The following NDST4 variants were observed in gnomAD, a reference collection of about 807,000 sequenced individuals.
NDST4 encodes the protein N-deacetylase and N-sulfotransferase 4, also known as N-heparan sulfate sulfotransferase 4.
NDST4 carries 63 observed loss-of-function variants against 100.8 expected under a neutral mutation model. That is an observed-to-expected ratio of 0.62 (90% CI 0.51 to 0.77). NDST4 has a LOEUF of 0.77. Among genes scored for constraint, NDST4 ranks in the 30% least tolerant of loss-of-function variants. The pLI is 0.00. For missense variants in NDST4, 943 were observed against 1,018.4 expected (o/e 0.93, Z 1.01); for synonymous variants, 377 against 361.8 (o/e 1.04, Z -0.48).
In NDST4 at chr4:114,970,918, C is replaced by A. The variant is rs77759081; in HGVS notation, c.1067-334G>T. Among the ~76,000 whole-genome samples, 935 of 151,992 alleles carry A rather than the reference C, an allele frequency of 6.2e-3. 7 individuals are homozygous for A. Among genetic ancestry groups the A allele is most frequent in the African/African-American group, 0.02 (811 of 41,458 alleles). On this transcript the variant is annotated intron_variant, in intron 3 of 13. Transcript: ENST00000264363. ...TTACCCTTAAATGTTAAGGGTAATTCTCAAATAATTGGACATAAATTTTAA... is the reference window on the plus strand; with the variant it reads ...TTACCCTTAAATGTTAAGGGTAATTATCAAATAATTGGACATAAATTTTAA...
intron 6 of NDST4, among the ~76,000 whole-genome samples, chr4:114,876,142 C>G (rs575965910): frequency 3.6e-4 from 55 of 152,144 alleles, no homozygotes; most frequent in Admixed American, 2.5e-3. Flanking sequence ...AGAGAGCCAC[C>G]CTGTTTTAGG....
chr4:114,867,665 C>CAAAAAAAAAAAAAAAGA (rs1724061578), intron 7 of NDST4, among the ~76,000 whole-genome samples: 3 of 79,900 alleles, frequency 3.8e-5, no homozygotes, highest in African/African-American at 4.9e-5. Flanking sequence ...AAAAAAAAAG[C>CAAAAAAAAAAAAAAAGA]AAAAAAAAAA....
intron 2 of NDST4, among the ~76,000 whole-genome samples, chr4:115,075,267 T>C (rs1729154487): frequency 6.6e-6 from 1 of 152,226 alleles, no homozygotes; most frequent in Non-Finnish European, 1.5e-5. Flanking sequence ...ACATTTCATA[T>C]GAGCAAATAT....
chr4:114,907,944 C>T (rs1328797544), intron 6 of NDST4, among the ~76,000 whole-genome samples: 2 of 152,146 alleles, frequency 1.3e-5, no homozygotes, highest in African/African-American at 4.8e-5. Flanking sequence ...TGGAGCTATA[C>T]TGAGAAGTTT....
intron 1 of NDST4, among the ~76,000 whole-genome samples, chr4:115,099,230 G>A (rs913162393): frequency 2.0e-5 from 3 of 151,952 alleles, no homozygotes; most frequent in Non-Finnish European, 4.4e-5. Context: ...ACTCTTAGAA[G>A]ATCATATAGG....
Position 114,873,388 on chromosome 4 carries a change from C to A in NDST4, c.1537-2438G>T, listed in dbSNP as rs1383745000. On this transcript the variant is annotated intron_variant, in intron 6 of 13. Coordinates refer to ENST00000264363, the MANE Select transcript of NDST4 (RefSeq NM_022569.3). Reference sequence around the variant, plus strand: ...ATTTTAATTGAGATTCATATGGAATCTCAAGTAAAATTTAAATCATTTAAA... The same window carrying A: ...ATTTTAATTGAGATTCATATGGAATATCAAGTAAAATTTAAATCATTTAAA... Among the ~76,000 whole-genome samples, 7 of 151,532 alleles carry A rather than the reference C, an allele frequency of 4.6e-5. No individual in the cohort carries two copies. In the East Asian group the frequency reaches 1.4e-3, roughly 29 times the overall value.
intron 2 of NDST4, among the ~76,000 whole-genome samples, chr4:115,034,172 G>C (rs751848219): frequency 2.0e-5 from 3 of 152,002 alleles, no homozygotes; most frequent in Non-Finnish European, 4.4e-5. Context: ...CACATTTCCT[G>C]CTGGCTCAAA....
In NDST4 at chr4:114,978,704, C is replaced by CT. The variant is rs557915303; in HGVS notation, c.979-1431dup. Among the ~76,000 whole-genome samples, 86 of 150,152 alleles carry CT rather than the reference C, an allele frequency of 5.7e-4. No homozygotes were observed. In the Middle Eastern group the frequency reaches 0.017, roughly 30 times the overall value. On this transcript the variant is annotated intron_variant, in intron 2 of 13. Transcript: ENST00000264363. ...TCCCTTAGTGAGTTCCCTTTTCTGG[C>CT]TTTTTTTTTGGCTGTATTCCATGCA... is the stretch of plus-strand genomic sequence containing the variant.
At chr4:114,855,248 T>C (rs1378281684) in intron 7 of NDST4, among the ~76,000 whole-genome samples, 1 of 152,202 alleles carries the variant, frequency 6.6e-6, no homozygotes, top group African/African-American at 2.4e-5. Flanking sequence ...CTAAACTTTA[T>C]TGTTTCCTTT....
chr4:115,011,086 A>T (rs530407222), intron 2 of NDST4, among the ~76,000 whole-genome samples: 3 of 152,106 alleles, frequency 2.0e-5, no homozygotes, highest in South Asian at 2.1e-4. Context: ...ACAATACCGA[A>T]CAACTGACAA....
chr4:115,057,558 C>A (rs1026608638), intron 2 of NDST4, among the ~76,000 whole-genome samples: 3 of 152,108 alleles, frequency 2.0e-5, no homozygotes, highest in Admixed American at 1.3e-4. Context: ...GGTTATATTT[C>A]TGTATTATTT....
chr4:115,022,173 G>A lies in NDST4; in HGVS notation c.979-44899C>T, dbSNP rs557803442. ...CGTTCCATATATATACACGTTCCAC[G>A]TCTATGCACGTTCCATATATATACA... On this transcript the variant is annotated intron_variant, in intron 2 of 13. Coordinates refer to ENST00000264363, the MANE Select transcript of NDST4 (RefSeq NM_022569.3). Among the ~76,000 whole-genome samples, 55 of 147,616 alleles carry A rather than the reference G, an allele frequency of 3.7e-4. 2 individuals are homozygous for A. In the South Asian group the frequency reaches 8.5e-3, roughly 23 times the overall value.
chr4:114,988,888 A>G (rs1431416158), intron 2 of NDST4, among the ~76,000 whole-genome samples: 1 of 152,208 alleles, frequency 6.6e-6, no homozygotes, highest in African/African-American at 2.4e-5. Context: ...TGGTTATAGA[A>G]ACTAGAAGAA....
rs2126183313 is a variant in NDST4, at chr4:114,839,486, T to C, written c.2178A>G (p.Thr726=). ...TTAAGTCAGATGGAGCCCAATGTCC[T>C]GTTGAAATAACTTCATAGAAATTGA... ...LRFNFYEVIS[T]GHWAPSDLKT... Residue 726 remains threonine (T), a synonymous_variant, in exon 11 of 14, where the codon ACA becomes ACG. Coordinates refer to ENST00000264363, the MANE Select transcript of NDST4 (RefSeq NM_022569.3). The C allele has an allele frequency of 6.2e-7, 1 of 1,614,020 alleles. No homozygotes were observed. Among genetic ancestry groups the C allele is most frequent in the East Asian group, 2.2e-5 (1 of 44,854 alleles).
intron 1 of NDST4, among the ~76,000 whole-genome samples, chr4:115,108,572 C>T (rs1729878508): frequency 6.6e-6 from 1 of 151,308 alleles, no homozygotes. Flanking sequence ...TTATTATTAT[C>T]ATTTTATTTT....
At chr4:114,864,433 C>T (rs1723981212) in intron 7 of NDST4, among the ~76,000 whole-genome samples, 1 of 152,124 alleles carries the variant, frequency 6.6e-6, no homozygotes, top group Non-Finnish European at 1.5e-5. Context: ...TTGAGTCTTG[C>T]TCTGTGTATG....
chr4:115,060,296 G>A (rs1044386753), intron 2 of NDST4, among the ~76,000 whole-genome samples: 1 of 151,828 alleles, frequency 6.6e-6, no homozygotes, highest in Non-Finnish European at 1.5e-5. Context: ...GTCTCAATTT[G>A]GCAAAAGTTT....
chr4:114,954,354 T>C (rs1726088511), intron 4 of NDST4, among the ~76,000 whole-genome samples: 1 of 152,096 alleles, frequency 6.6e-6, no homozygotes, highest in South Asian at 2.1e-4. Context: ...GAGAAATTAT[T>C]AGTAATCCTA....
chr4:115,022,283 G>A (rs1290396613), intron 2 of NDST4, among the ~76,000 whole-genome samples: 2 of 151,558 alleles, frequency 1.3e-5, no homozygotes, highest in African/African-American at 2.4e-5. Flanking sequence ...GTCTATGCAC[G>A]TTCCACATAT....
Sources: gnomAD v4.1 joint callset for allele counts (sites outside exome capture counted in the v4.1 genomes callset) on GRCh38, gnomAD v4.1.1 for gene constraint, MANE v1.5 for transcripts, NCBI Gene and HGNC (gene_info 2026-07-23, HGNC 2026-07-21) for gene names.